The following TMEM38B variants were observed in gnomAD, a reference collection of about 807,000 sequenced individuals.
TMEM38B encodes transmembrane protein 38B, also known as trimeric intracellular cation channel type B.
In TMEM38B, 24 loss-of-function variants were observed where a neutral mutation model predicts 28.7. The ratio of observed to expected loss-of-function variants is 0.84; its 90% confidence interval spans 0.61 to 1.18. TMEM38B has a LOEUF of 1.18. Ranked by LOEUF, TMEM38B falls within the 50% of genes most tolerant of loss-of-function variation. The pLI, the probability that TMEM38B is intolerant of heterozygous loss-of-function variation, is 0.00. For synonymous variants in TMEM38B, 131 were observed against 127.7 expected, an observed-to-expected ratio of 1.03 and a Z score of -0.17; for missense variants, 380 against 350.9, an observed-to-expected ratio of 1.08 and a Z score of -0.66.
At chr9:105,703,519 T>A (rs915201588) in intron 1 of TMEM38B, among the ~76,000 whole-genome samples, 3 of 152,258 alleles carry the variant, frequency 2.0e-5, no homozygotes, top group Non-Finnish European at 4.4e-5. Flanking sequence ...CGTGTGCATG[T>A]GTCTTTATAG....
At chr9:105,743,107 A>G (rs1475942163) in intron 4 of TMEM38B, among the ~76,000 whole-genome samples, 1 of 152,228 alleles carries the variant, frequency 6.6e-6, no homozygotes. Context: ...AAACAATAAA[A>G]TAAAACATGA....
At chr9:105,747,844 C>T (rs1837481518) in intron 4 of TMEM38B, among the ~76,000 whole-genome samples, 1 of 152,130 alleles carries the variant, frequency 6.6e-6, no homozygotes, top group South Asian at 2.1e-4. Context: ...ACCCAGTAGT[C>T]ATTCAGGAGC....
chr9:105,715,678 G>A (rs921221630), intron 2 of TMEM38B, among the ~76,000 whole-genome samples: 1 of 151,304 alleles, frequency 6.6e-6, no homozygotes, highest in African/African-American at 2.4e-5. Context: ...GTGTTTTCTG[G>A]TTTGTTTTTT....
chr9:105,757,576 A>G (rs1490704015), intron 5 of TMEM38B, among the ~76,000 whole-genome samples: 2 of 152,228 alleles, frequency 1.3e-5, no homozygotes, highest in African/African-American at 4.8e-5. Flanking sequence ...TATTTTAAAA[A>G]TATTTAAAAA....
At chr9:105,707,242 T>C (rs1218010827) in intron 2 of TMEM38B, among the ~76,000 whole-genome samples, 1 of 152,200 alleles carries the variant, frequency 6.6e-6, no homozygotes, top group Non-Finnish European at 1.5e-5. Flanking sequence ...TAATTATGGC[T>C]CATATTTAAT....
intron 5 of TMEM38B, among the ~76,000 whole-genome samples, chr9:105,750,859 A>C (rs73520071): frequency 0.034 from 5,179 of 152,276 alleles, 237 homozygotes; most frequent in African/African-American, 0.1. Flanking sequence ...TCATGTGGAT[A>C]TATAGTTGTC....
intron 4 of TMEM38B, among the ~76,000 whole-genome samples, chr9:105,747,459 TTC>T (rs1320493589): frequency 6.6e-6 from 1 of 152,154 alleles, no homozygotes; most frequent in Admixed American, 6.5e-5. Context: ...TATTTGAGTC[TTC>T]TCTCTTTTCT....
chr9:105,699,027 A>G (rs1294585541), intron 1 of TMEM38B, among the ~76,000 whole-genome samples: 3 of 152,252 alleles, frequency 2.0e-5, no homozygotes, highest in Admixed American at 6.5e-5. Context: ...CTTAAATGTT[A>G]TCTATTTCAC....
chr9:105,774,351 A>G lies in TMEM38B; in HGVS notation c.*271A>G, dbSNP rs1193996703. 6 of 231,788 alleles carry G rather than the reference A, an allele frequency of 2.6e-5. No individual in the cohort carries two copies. In the East Asian group the frequency reaches 5.0e-4, roughly 19 times the overall value. 14.4% of individuals were successfully genotyped at this position (231,788 alleles called of 1,614,324 possible). A position where few individuals can be genotyped will look rare whatever the true frequency, so the allele number is the denominator to read the frequency against. ...GTTTTATATTAATAAAAGAAGACAA[A>G]ATTTTTTAAATGTTAGAAAAAGCAG... On this transcript the variant is annotated 3_prime_UTR_variant, in exon 6 of 6. Transcript: ENST00000374692.
intron 2 of TMEM38B, among the ~76,000 whole-genome samples, chr9:105,707,838 A>T (rs1037435491): frequency 2.0e-5 from 3 of 152,212 alleles, no homozygotes; most frequent in Non-Finnish European, 4.4e-5. Context: ...AGATTTGTTT[A>T]ACCATCTCTT....
At chr9:105,713,607 C>T (rs1470153050) in intron 2 of TMEM38B, among the ~76,000 whole-genome samples, 1 of 152,114 alleles carries the variant, frequency 6.6e-6, no homozygotes, top group Admixed American at 6.5e-5. Flanking sequence ...CCCCTTGGTG[C>T]CAACAGCCTG....
chr9:105,754,362 A>G (rs184726609), intron 5 of TMEM38B, among the ~76,000 whole-genome samples: 11 of 152,310 alleles, frequency 7.2e-5, no homozygotes, highest in Admixed American at 3.3e-4. Flanking sequence ...AGCACTTAAT[A>G]TAAAACTGAC....
At chr9:105,736,481 T>C (rs1836984941) in intron 4 of TMEM38B, among the ~76,000 whole-genome samples, 1 of 152,222 alleles carries the variant, frequency 6.6e-6, no homozygotes, top group Admixed American at 6.5e-5. Flanking sequence ...TCTGTTGAGC[T>C]TCTCATTCAG....
At chr9:105,721,784 G>A in intron 3 of TMEM38B, 63 bp downstream of exon 3, 2 of 1,255,026 alleles carry the variant, frequency 1.6e-6, no homozygotes, top group Non-Finnish European at 1.1e-6. Context: ...TACCATTACT[G>A]AACAATTCTC....
intron 4 of TMEM38B, among the ~76,000 whole-genome samples, chr9:105,733,105 G>A (rs952410448): frequency 4.6e-5 from 7 of 152,154 alleles, no homozygotes; most frequent in Admixed American, 2.0e-4. Context: ...GAGACAGTTT[G>A]TTGTGATTTC....
Position 105,767,046 on chromosome 9 carries a change from T to C in TMEM38B, c.661-6819T>C, listed in dbSNP as rs544397020. ...CAGAATGATGGTTTCCAGCTTCATC[T>C]ATGTCCCTACAAAGGACATGAACTC... On this transcript the variant is annotated intron_variant, in intron 5 of 5. Transcript: ENST00000374692. Among the ~76,000 whole-genome samples the C allele has an allele frequency of 4.1e-3, 618 of 152,170 alleles. 4 individuals carry two copies. The highest frequency in any genetic ancestry group is 6.8e-3 in the Non-Finnish European group (462 of 67,986).
intron 2 of TMEM38B, among the ~76,000 whole-genome samples, chr9:105,711,425 A>G (rs944521533): frequency 6.6e-6 from 1 of 150,758 alleles, no homozygotes; most frequent in Non-Finnish European, 1.5e-5. Context: ...TGAGTAACAG[A>G]CCTAGACTCT....
chr9:105,729,018 C>T (rs546977819), intron 4 of TMEM38B, among the ~76,000 whole-genome samples: 32 of 152,256 alleles, frequency 2.1e-4, no homozygotes, highest in African/African-American at 6.3e-4. Context: ...AATTTTCTCC[C>T]GTTCTGTAGG....
chr9:105,697,384 G>A (rs1252769295), intron 1 of TMEM38B, among the ~76,000 whole-genome samples: 1 of 152,202 alleles, frequency 6.6e-6, no homozygotes, highest in African/African-American at 2.4e-5. Context: ...AGACACAAGA[G>A]TGAACAGTGT....
Sources: gnomAD v4.1 joint callset for allele counts (sites outside exome capture counted in the v4.1 genomes callset) on GRCh38, gnomAD v4.1.1 for gene constraint, MANE v1.5 for transcripts, NCBI Gene and HGNC (gene_info 2026-07-23, HGNC 2026-07-21) for gene names.